Variants in CSMD1 observed in about 807,000 individuals in gnomAD.
CSMD1 encodes the protein CUB and Sushi multiple domains 1, also known as CUB and sushi domain-containing protein 1.
Under a neutral mutation model 417.5 loss-of-function variants are expected in CSMD1, and 213 were observed. The observed-to-expected ratio is 0.51, with a 90% CI of 0.46 to 0.57. CSMD1 has a LOEUF of 0.57. Among genes scored for constraint, CSMD1 ranks in the 20% least tolerant of loss-of-function variants. CSMD1 has a pLI of 0.00. For synonymous variants in CSMD1, 2,862 were observed against 1,736.8 expected (o/e 1.65, Z -16.11); for missense variants, 6,923 against 4,529.7 (o/e 1.53, Z -15.17).
At chr8:3,459,905 A>G (rs1335230931) in intron 12 of CSMD1, among the ~76,000 whole-genome samples, 2 of 152,216 alleles carry the variant, frequency 1.3e-5, no homozygotes, top group East Asian at 3.9e-4. Flanking sequence ...AAGATTATTG[A>G]TAAGGGTTAA....
chr8:4,387,043 T>C (rs1356486819), intron 3 of CSMD1, among the ~76,000 whole-genome samples: 2 of 152,236 alleles, frequency 1.3e-5, no homozygotes, highest in African/African-American at 4.8e-5. Flanking sequence ...ATGGGGGATA[T>C]CCAGATTAAA....
At chr8:3,510,293 C>T (rs1797009803) in intron 10 of CSMD1, among the ~76,000 whole-genome samples, 1 of 151,820 alleles carries the variant, frequency 6.6e-6, no homozygotes, top group South Asian at 2.1e-4. Flanking sequence ...CTCCACATGG[C>T]CTGCCTCTGT....
At chr8:3,580,131 A>G (rs1395292280) in intron 9 of CSMD1, among the ~76,000 whole-genome samples, 1 of 152,110 alleles carries the variant, frequency 6.6e-6, no homozygotes, top group Non-Finnish European at 1.5e-5. Flanking sequence ...AAAAGAAAGA[A>G]AAAAAGTATA....
chr8:3,712,191 T>C (rs1801551437), intron 6 of CSMD1, among the ~76,000 whole-genome samples: 1 of 152,116 alleles, frequency 6.6e-6, no homozygotes, highest in South Asian at 2.1e-4. Flanking sequence ...GCTCTGCTAA[T>C]CTTGGCAACG....
rs147854518 is a variant in CSMD1 at position 4,032,147 on chromosome 8, T to C, written c.416-48A>G. 1,124 of 1,435,036 alleles carry C rather than the reference T, an allele frequency of 7.8e-4. 5 individuals carry two copies. The African/African-American group carries it at 0.014, about 18-fold the overall frequency. The allele number at this position is 1,435,036 out of a possible 1,614,324, so 88.9% of individuals were successfully genotyped here. On this transcript the variant is annotated intron_variant, in intron 3 of 69. Coordinates refer to ENST00000635120, the MANE Select transcript of CSMD1 (RefSeq NM_033225.6). ...GAGAAAAAACAAGTTAAATTTTCCA[T>C]GGAGAGCCACTTATAAGATAAAACA...
chr8:4,285,706 A>G (rs919562343), intron 3 of CSMD1, among the ~76,000 whole-genome samples: 4 of 152,138 alleles, frequency 2.6e-5, no homozygotes, highest in African/African-American at 9.7e-5. Flanking sequence ...AGAACTAGTA[A>G]AACAGTCAGG....
chr8:3,694,722 G>T (rs1271127904), intron 7 of CSMD1, among the ~76,000 whole-genome samples: 1 of 151,894 alleles, frequency 6.6e-6, no homozygotes, highest in Non-Finnish European at 1.5e-5. Flanking sequence ...GAACCTGGAG[G>T]AAGCAGGTGC....
chr8:4,470,228 C>T (rs111860967), intron 2 of CSMD1, among the ~76,000 whole-genome samples: 1 of 152,060 alleles, frequency 6.6e-6, no homozygotes, highest in Non-Finnish European at 1.5e-5. Flanking sequence ...TGATATTTTT[C>T]AGCCCTGCCA....
chr8:4,731,971 T>A (rs997258133), intron 1 of CSMD1, among the ~76,000 whole-genome samples: 5 of 152,154 alleles, frequency 3.3e-5, no homozygotes, highest in African/African-American at 1.2e-4. Flanking sequence ...TTAACAAGAA[T>A]GCCAGCGTTA....
chr8:3,977,148 T>C (rs935727337), intron 5 of CSMD1, among the ~76,000 whole-genome samples: 6 of 152,190 alleles, frequency 3.9e-5, no homozygotes, highest in African/African-American at 9.7e-5. Flanking sequence ...ATGATGAACA[T>C]TTTCTCAATC....
intron 5 of CSMD1, among the ~76,000 whole-genome samples, chr8:3,867,640 T>C (rs1321684144): frequency 2.0e-5 from 3 of 152,136 alleles, no homozygotes; most frequent in Non-Finnish European, 4.4e-5. Context: ...TATATATCTA[T>C]ATCTATGTAT....
At chr8:4,085,297 G>C (rs1243843011) in intron 3 of CSMD1, among the ~76,000 whole-genome samples, 1 of 152,126 alleles carries the variant, frequency 6.6e-6, no homozygotes, top group African/African-American at 2.4e-5. Context: ...TCCTTATCTA[G>C]TTAGGAAGTT....
intron 3 of CSMD1, among the ~76,000 whole-genome samples, chr8:4,250,678 G>A (rs935208662): frequency 6.6e-6 from 1 of 152,058 alleles, no homozygotes; most frequent in Non-Finnish European, 1.5e-5. Flanking sequence ...ATAATTTTAT[G>A]TCTCAGCAAA....
In CSMD1 at chr8:4,575,095, A is replaced by T. The variant is rs114710685; in HGVS notation, c.302+62247T>A. Among the ~76,000 whole-genome samples, 1,399 of 152,324 alleles carry T rather than the reference A, an allele frequency of 9.2e-3. 22 individuals are homozygous for T. The highest frequency in any genetic ancestry group is 0.031 in the African/African-American group (1,281 of 41,582). On this transcript the variant is annotated intron_variant, in intron 2 of 69. Transcript: ENST00000635120. ...ATAAAATAGAATCCAGCCAAAATGCACTAACATGTAAGGTGCATAGTTCAT... is the reference window on the plus strand; with the variant it reads ...ATAAAATAGAATCCAGCCAAAATGCTCTAACATGTAAGGTGCATAGTTCAT...
intron 7 of CSMD1, among the ~76,000 whole-genome samples, chr8:3,653,953 A>C (rs375984312): frequency 1.3e-5 from 2 of 152,198 alleles, no homozygotes; most frequent in Admixed American, 6.5e-5. Context: ...TTCACCCATG[A>C]CAGCCTACTG....
chr8:4,836,495 T>G (rs1315833236), intron 1 of CSMD1, among the ~76,000 whole-genome samples: 1 of 152,192 alleles, frequency 6.6e-6, no homozygotes, highest in Non-Finnish European at 1.5e-5. Context: ...GGCAGACAGC[T>G]AACATGAATC....
At chr8:4,216,061 G>T (rs181791367) in intron 3 of CSMD1, among the ~76,000 whole-genome samples, 1 of 152,170 alleles carries the variant, frequency 6.6e-6, no homozygotes, top group Non-Finnish European at 1.5e-5. Flanking sequence ...CAGCCTATGG[G>T]AAGAAAGGGA....
intron 3 of CSMD1, among the ~76,000 whole-genome samples, chr8:4,214,379 C>T (rs574717498): frequency 6.6e-6 from 1 of 152,286 alleles, no homozygotes; most frequent in South Asian, 2.1e-4. Flanking sequence ...CTCACTGCAA[C>T]CTCTGCCTCC....
intron 5 of CSMD1, among the ~76,000 whole-genome samples, chr8:3,834,969 G>C (rs555907465): frequency 1.3e-4 from 20 of 152,072 alleles, no homozygotes; most frequent in Non-Finnish European, 2.9e-4. Context: ...ATGAAAAAAT[G>C]CTCATCATCA....
Sources: allele counts gnomAD v4.1 joint callset (sites outside exome capture counted in the v4.1 genomes callset), GRCh38; gene constraint gnomAD v4.1.1; transcripts MANE v1.5; gene names NCBI Gene and HGNC (gene_info 2026-07-23, HGNC 2026-07-21).